Variants in LRRC41 observed in about 807,000 individuals in gnomAD.
LRRC41 encodes leucine rich repeat containing 41, also known as leucine-rich repeat-containing protein 41.
A neutral mutation model predicts 72.1 loss-of-function variants in LRRC41; 17 were observed. The observed-to-expected ratio is 0.24, with a 90% CI of 0.16 to 0.35. The LOEUF (loss-of-function observed/expected upper bound fraction) is 0.35. Ranked by LOEUF, LRRC41 falls within the 10% of genes least tolerant of loss-of-function variation. LRRC41 has a pLI of 1.00. For missense variants in LRRC41, 759 were observed against 1,065.0 expected, an observed-to-expected ratio of 0.71 and a Z score of 4.00; for synonymous variants, 427 against 431.0, an observed-to-expected ratio of 0.99 and a Z score of 0.11.
intron 3 of LRRC41, among the ~76,000 whole-genome samples, chr1:46,290,106 G>A (rs1660975819): frequency 1.3e-5 from 2 of 152,204 alleles, no homozygotes; most frequent in African/African-American, 4.8e-5. Flanking sequence ...TGTGGATAGA[G>A]AAGCAAATGA....
In LRRC41 at chr1:46,278,550, G is replaced by A; in HGVS notation, c.*315C>T. 1.6e-6 allele frequency: 1 copy of A among 613,304 alleles called. No individual in the cohort carries two copies. Among genetic ancestry groups the A allele is most frequent in the South Asian group, 2.0e-5 (1 of 48,904 alleles). 38.0% of individuals were successfully genotyped at this position (613,304 alleles called of 1,614,324 possible). ...TTCTCTAAAGCCTGGGTGCCTGCTT[G>A]AGGAGGGAAGGCAGGAACCCAGGGG... On this transcript the variant is annotated 3_prime_UTR_variant, in exon 10 of 10. Transcript: ENST00000617190.
Position 46,286,522 on chromosome 1 carries a change from G to A in LRRC41, c.358-23C>T. 1 of 1,566,634 alleles carries A rather than the reference G, an allele frequency of 6.4e-7. No homozygotes were observed. Among genetic ancestry groups the A allele is most frequent in the Non-Finnish European group, 8.7e-7 (1 of 1,155,848 alleles). On this transcript the variant is annotated intron_variant, in intron 3 of 9. Coordinates refer to ENST00000617190, the MANE Select transcript of LRRC41 (RefSeq NM_006369.5). This position sits in a 1 kb window ranked among gnomAD's most constrained non-coding sequence, Gnocchi z 5.5. Reference sequence around the variant, plus strand: ...ACTCTGAAACGCAGAAAACATGCCAGACAGCCATGATATATCCATGAAACT... The same window carrying A: ...ACTCTGAAACGCAGAAAACATGCCAAACAGCCATGATATATCCATGAAACT...
chr1:46,281,108 C>T lies in LRRC41; in HGVS notation c.1756+17G>A, dbSNP rs1422276664. The T allele has an allele frequency of 1.9e-6, 3 of 1,612,460 alleles. No homozygotes were observed. Among genetic ancestry groups the T allele is most frequent in the African/African-American group, 1.3e-5 (1 of 74,898 alleles). ...ACACGTGCGTGCACACACACAAACA[C>T]ACACACAGTGCTTCACCTGGTATCT... On this transcript the variant is annotated intron_variant, in intron 5 of 9. Transcript: ENST00000617190.
At position 46,279,444 on chromosome 1, in the gene LRRC41, A is replaced by G; in HGVS notation, c.2143+48T>C. 6.2e-7 allele frequency: 1 copy of G among 1,613,986 alleles called. No homozygotes were observed. Among genetic ancestry groups the G allele is most frequent in the East Asian group, 2.2e-5 (1 of 44,862 alleles). ...CCTTTATCCAGTGAGTTTTTAGGTC[A>G]AAGGCCTAGCTCCTTTCCCCTCTCC... On this transcript the variant is annotated intron_variant, in intron 8 of 9. Transcript: ENST00000617190. This position sits in a 1 kb window ranked among gnomAD's most constrained non-coding sequence, Gnocchi z 4.5.
At chr1:46,298,247 T>C in intron 2 of LRRC41, 37 bp downstream of exon 2, 1 of 1,409,848 alleles carries the variant, frequency 7.1e-7, no homozygotes, top group Non-Finnish European at 1.0e-6. Flanking sequence ...GCCTTGCTCA[T>C]AATCATTGAC....
In LRRC41 at chr1:46,303,472, TA is replaced by T; in HGVS notation, c.-151del. The stretch of plus-strand genomic sequence containing the variant: ...AAATTAGCACACTTTCCAAGTCTCT[TA>T]GGAGCTACTATTTTAGATAAACTCC... On this transcript the variant is annotated 5_prime_UTR_variant, in exon 1 of 10. Coordinates refer to ENST00000617190, the MANE Select transcript of LRRC41 (RefSeq NM_006369.5). The T allele has an allele frequency of 2.5e-6, 2 of 804,742 alleles. No homozygotes were observed. Among genetic ancestry groups the T allele is most frequent in the Non-Finnish European group, 3.8e-6 (2 of 526,342 alleles). The allele number at this position is 804,742 out of a possible 1,614,324, so 49.9% of individuals were successfully genotyped here.
chr1:46,303,035 C>T, intron 1 of LRRC41, 89 bp downstream of exon 1: 2 of 1,342,974 alleles, frequency 1.5e-6, no homozygotes, highest in Non-Finnish European at 1.9e-6. Context: ...GGCCTTGCCC[C>T]GGGCCTCCCG....
Position 46,294,729 on chromosome 1 carries a change from G to A in LRRC41, c.357+2834C>T, listed in dbSNP as rs555137649. 1.3e-4 allele frequency among the ~76,000 whole-genome samples: 19 copies of A among 151,648 alleles called. 2 individuals carry two copies. The South Asian group carries it at 4.0e-3, about 32-fold the overall frequency. ...CCTGCCTCAGCCTCTTGAGTAGCTG[G>A]AACTAAAGGCACGTGCCACCACGCC... On this transcript the variant is annotated intron_variant, in intron 3 of 9. Transcript: ENST00000617190.
In LRRC41 at chr1:46,285,891, T is replaced by C. The variant is rs919453564; in HGVS notation, c.966A>G (p.Val322=). The C allele has an allele frequency of 1.3e-6, 2 of 1,555,208 alleles. No homozygotes were observed. The highest frequency in any genetic ancestry group is 2.2e-5 in the East Asian group (1 of 44,484). ...QMPRAAPATR[V]TRRSTQESLT... is the part of the protein sequence containing the mutation. ...GGCTCTCCTGTGTGCTCCGGCGTGT[T>C]ACCCGAGTGGCAGGTGCAGCTCTGG... The change falls in exon 4 of 10, where the codon GTA becomes GTG. Residue 322 remains valine (V), a synonymous_variant. Coordinates refer to ENST00000617190, the MANE Select transcript of LRRC41 (RefSeq NM_006369.5). The surrounding 1 kb of genome is among the most constrained non-coding windows in gnomAD (Gnocchi z 5.3).
chr1:46,295,524 A>T (rs998171365), intron 3 of LRRC41, among the ~76,000 whole-genome samples: 1 of 152,210 alleles, frequency 6.6e-6, no homozygotes, highest in African/African-American at 2.4e-5. Context: ...GCTGAAGGCT[A>T]TTGTCATGCA....
rs1458589395 is a variant in LRRC41, at chr1:46,302,719, AACCTC to A, written c.199+400_199+404del. 2 of 983,958 alleles carry A rather than the reference AACCTC, an allele frequency of 2.0e-6. No individual in the cohort carries two copies. Among genetic ancestry groups the A allele is most frequent in the African/African-American group, 3.5e-5 (2 of 56,804 alleles). The allele number at this position is 983,958 out of a possible 1,614,324, so 61.0% of individuals were successfully genotyped here. Reference sequence around the variant, plus strand: ...GGCCTTGCCTTAGGCCGGGCCTCCTAACCTCGGCCCCTGCCCTAGGGCAGCCGGGC... The same window carrying A: ...GGCCTTGCCTTAGGCCGGGCCTCCTAGGCCCCTGCCCTAGGGCAGCCGGGC... On this transcript the variant is annotated intron_variant, in intron 1 of 9. Coordinates refer to ENST00000617190, the MANE Select transcript of LRRC41 (RefSeq NM_006369.5). The surrounding 1 kb of genome is among the most constrained non-coding windows in gnomAD (Gnocchi z 4.7).
chr1:46,291,842 G>A (rs1661025644), intron 3 of LRRC41, among the ~76,000 whole-genome samples: 1 of 151,508 alleles, frequency 6.6e-6, no homozygotes, highest in African/African-American at 2.4e-5. Context: ...TTACAGGTGG[G>A]AGCCACCACG....
chr1:46,281,012 C>G (rs1365585876), intron 5 of LRRC41, 113 bp downstream of exon 5: 2 of 1,435,952 alleles, frequency 1.4e-6, no homozygotes, highest in African/African-American at 2.8e-5. Context: ...TCCAGATAAG[C>G]CAGGAATGAG....
chr1:46,278,193 G>A lies in LRRC41; in HGVS notation c.*672C>T, dbSNP rs2148309087. On this transcript the variant is annotated 3_prime_UTR_variant, in exon 10 of 10. Coordinates refer to ENST00000617190, the MANE Select transcript of LRRC41 (RefSeq NM_006369.5). ...TGATAAGTGGGGGCTCCGGGATGAGGTACTCCAGGCTGCCTGGGATGCTGC... is the reference window on the plus strand; with the variant it reads ...TGATAAGTGGGGGCTCCGGGATGAGATACTCCAGGCTGCCTGGGATGCTGC... 1 of 1,613,898 alleles carries A rather than the reference G, an allele frequency of 6.2e-7. No individual in the cohort carries two copies. Among genetic ancestry groups the A allele is most frequent in the East Asian group, 2.2e-5 (1 of 44,870 alleles).
Position 46,278,348 on chromosome 1 carries a change from A to G in LRRC41, c.*517T>C, listed in dbSNP as rs945923321. ...AGGGAAAAGGGGCTCCTTGCTCCACAGGGCCCTGTTGAATTTTGTTCTCTG... is the reference window on the plus strand; with the variant it reads ...AGGGAAAAGGGGCTCCTTGCTCCACGGGGCCCTGTTGAATTTTGTTCTCTG... On this transcript the variant is annotated 3_prime_UTR_variant, in exon 10 of 10. Coordinates refer to ENST00000617190, the MANE Select transcript of LRRC41 (RefSeq NM_006369.5). 27 of 1,490,332 alleles carry G rather than the reference A, an allele frequency of 1.8e-5. No individual in the cohort carries two copies. The highest frequency in any genetic ancestry group is 2.4e-5 in the East Asian group (1 of 41,168). 92.3% of individuals were successfully genotyped at this position (1,490,332 alleles called of 1,614,324 possible).
intron 4 of LRRC41, chr1:46,284,438 A>G (rs546269293): frequency 6.6e-6 from 1 of 152,312 alleles, no homozygotes; most frequent in Admixed American, 6.5e-5. Flanking sequence ...AATATGCCAG[A>G]CACATACTAA....
chr1:46,297,395 A>G (rs1394532511), intron 3 of LRRC41, 168 bp downstream of exon 3: 10 of 538,078 alleles, frequency 1.9e-5, no homozygotes, highest in Non-Finnish European at 3.0e-5. Flanking sequence ...CAATTCAGTG[A>G]CAAATGCCAA....
Position 46,277,613 on chromosome 1 carries a change from G to C in LRRC41, c.*1252C>G. 1 of 630,970 alleles carries C rather than the reference G, an allele frequency of 1.6e-6. No individual in the cohort carries two copies. The highest frequency in any genetic ancestry group is 1.9e-5 in the South Asian group (1 of 52,234). 39.1% of individuals were successfully genotyped at this position (630,970 alleles called of 1,614,324 possible). ...TTAGTATAGAAAGTAGCCTGGGTGGGCAGACTATTCATGTCATGTTCTCAG... is the reference window on the plus strand; with the variant it reads ...TTAGTATAGAAAGTAGCCTGGGTGGCCAGACTATTCATGTCATGTTCTCAG... On this transcript the variant is annotated 3_prime_UTR_variant, in exon 10 of 10. Coordinates refer to ENST00000617190, the MANE Select transcript of LRRC41 (RefSeq NM_006369.5).
At chr1:46,297,748 A>C (rs894897428) in intron 2 of LRRC41, 115 bp from the exon 3 acceptor site, 4 of 734,506 alleles carry the variant, frequency 5.4e-6, no homozygotes, top group Non-Finnish European at 9.7e-6. Flanking sequence ...GATTAAGGGC[A>C]CTGGCTCTAA....
Sources: allele counts gnomAD v4.1 joint callset (sites outside exome capture counted in the v4.1 genomes callset), GRCh38; gene constraint gnomAD v4.1.1; non-coding constraint Gnocchi (gnomAD v3.1); transcripts MANE v1.5; gene names NCBI Gene and HGNC (gene_info 2026-07-23, HGNC 2026-07-21).